SH3GL2: variants seen among roughly 807,000 people sequenced by gnomAD.
The protein encoded by SH3GL2 is SH3 domain containing GRB2 like 2, endophilin A1.
In SH3GL2, 24 loss-of-function variants were observed where a neutral mutation model predicts 46.0. The observed-to-expected ratio is 0.52, with a 90% confidence interval of 0.38 to 0.73. The LOEUF (loss-of-function observed/expected upper bound fraction) is 0.73, where lower values mean the gene tolerates loss of function less well. SH3GL2 is among the 30% of genes least tolerant of loss of function. SH3GL2 has a pLI of 0.00. For missense variants in SH3GL2, 413 were observed against 424.2 expected (o/e 0.97, Z 0.23); for synonymous variants, 196 against 147.1 (o/e 1.33, Z -2.40).
At chr9:17,613,413 T>C (rs1477582304) in intron 1 of SH3GL2, among the ~76,000 whole-genome samples, 1 of 152,158 alleles carries the variant, frequency 6.6e-6, no homozygotes, top group Non-Finnish European at 1.5e-5. Context: ...TGACAAAATA[T>C]TGTGTTTAGA....
intron 1 of SH3GL2, among the ~76,000 whole-genome samples, chr9:17,727,064 G>T (rs10117049): frequency 0.49 from 74,142 of 151,794 alleles, 18,630 homozygotes; most frequent in East Asian, 0.66. Context: ...AACCCAAATA[G>T]GTATCAGTGG....
chr9:17,774,733 G>T (rs1227257828), intron 3 of SH3GL2, among the ~76,000 whole-genome samples: 1 of 152,116 alleles, frequency 6.6e-6, no homozygotes, highest in Non-Finnish European at 1.5e-5. Flanking sequence ...ATGATCGTAA[G>T]AGATATTGGT....
chr9:17,603,165 T>G (rs759911064), intron 1 of SH3GL2, among the ~76,000 whole-genome samples: 1 of 152,220 alleles, frequency 6.6e-6, no homozygotes, highest in African/African-American at 2.4e-5. Flanking sequence ...TATGTTAAAA[T>G]ATGTTTTTGA....
intron 1 of SH3GL2, among the ~76,000 whole-genome samples, chr9:17,658,013 T>A (rs1247535834): frequency 6.6e-6 from 1 of 152,220 alleles, no homozygotes; most frequent in Non-Finnish European, 1.5e-5. Context: ...CATCCAGAAC[T>A]GGATTAACTG....
At chr9:17,701,033 C>T (rs2045909450) in intron 1 of SH3GL2, among the ~76,000 whole-genome samples, 1 of 152,094 alleles carries the variant, frequency 6.6e-6, no homozygotes, top group African/African-American at 2.4e-5. Flanking sequence ...GGGCCTTAAT[C>T]CCAATTGGTA....
At chr9:17,750,920 G>C (rs950592435) in intron 2 of SH3GL2, among the ~76,000 whole-genome samples, 4 of 152,196 alleles carry the variant, frequency 2.6e-5, no homozygotes, top group African/African-American at 9.7e-5. Flanking sequence ...CATAGTGCTT[G>C]GTGTCCTGGG....
chr9:17,761,970 A>T (rs569656343), intron 3 of SH3GL2, among the ~76,000 whole-genome samples: 22 of 152,276 alleles, frequency 1.4e-4, no homozygotes, highest in African/African-American at 5.1e-4. Context: ...GTTGATCTTG[A>T]TTCTGATTCT....
At chr9:17,689,275 C>G (rs922041016) in intron 1 of SH3GL2, among the ~76,000 whole-genome samples, 6 of 152,018 alleles carry the variant, frequency 3.9e-5, no homozygotes, top group African/African-American at 1.4e-4. Flanking sequence ...GTCTGAGAAA[C>G]TGTCAAACCA....
At chr9:17,763,191 T>C (rs1311015418) in intron 3 of SH3GL2, among the ~76,000 whole-genome samples, 1 of 152,212 alleles carries the variant, frequency 6.6e-6, no homozygotes, top group Non-Finnish European at 1.5e-5. Flanking sequence ...AAATTCATTG[T>C]AACACAAATT....
chr9:17,698,895 G>A (rs1821274592), intron 1 of SH3GL2, among the ~76,000 whole-genome samples: 1 of 152,060 alleles, frequency 6.6e-6, no homozygotes, highest in African/African-American at 2.4e-5. Flanking sequence ...GATGGCTCAT[G>A]CCTGTAATCC....
At chr9:17,691,183 A>C (rs1207346884) in intron 1 of SH3GL2, among the ~76,000 whole-genome samples, 1 of 152,074 alleles carries the variant, frequency 6.6e-6, no homozygotes. Flanking sequence ...CCAAGGGGTG[A>C]CTGAGTGTTT....
At chr9:17,738,641 T>TAGAGAG (rs1554645334) in intron 1 of SH3GL2, among the ~76,000 whole-genome samples, 36 of 88,864 alleles carry the variant, frequency 4.1e-4, no homozygotes, top group African/African-American at 1.0e-3. Flanking sequence ...TATATATATA[T>TAGAGAG]AGAGAGAGAG....
chr9:17,616,134 A>G (rs1818990045), intron 1 of SH3GL2, among the ~76,000 whole-genome samples: 1 of 152,172 alleles, frequency 6.6e-6, no homozygotes, highest in Admixed American at 6.5e-5. Context: ...TTTTAGGGAA[A>G]ATATATTTAC....
chr9:17,708,497 T>A (rs1212511913), intron 1 of SH3GL2, among the ~76,000 whole-genome samples: 1 of 152,064 alleles, frequency 6.6e-6, no homozygotes, highest in African/African-American at 2.4e-5. Flanking sequence ...AGTGTGAGGA[T>A]GAAACCATTA....
intron 1 of SH3GL2, among the ~76,000 whole-genome samples, chr9:17,639,861 G>A (rs1316083573): frequency 3.9e-5 from 6 of 152,156 alleles, no homozygotes; most frequent in Non-Finnish European, 8.8e-5. Flanking sequence ...GTTATGCTAA[G>A]TGAAAGATGT....
chr9:17,729,416 C>A (rs1036567671), intron 1 of SH3GL2, among the ~76,000 whole-genome samples: 4 of 152,182 alleles, frequency 2.6e-5, no homozygotes, highest in South Asian at 2.1e-4. Context: ...CGTAGGTTGC[C>A]TGTTCATTCT....
At chr9:17,785,467 C>G (rs928765465) in intron 3 of SH3GL2, among the ~76,000 whole-genome samples, 1 of 152,130 alleles carries the variant, frequency 6.6e-6, no homozygotes, top group African/African-American at 2.4e-5. Flanking sequence ...AAATAAATGT[C>G]AAGATTGTCA....
intron 8 of SH3GL2, among the ~76,000 whole-genome samples, chr9:17,794,349 C>G (rs1563857816): frequency 6.6e-6 from 1 of 152,096 alleles, no homozygotes; most frequent in Non-Finnish European, 1.5e-5. Context: ...CTGTAGAAAA[C>G]TTTTTATAAG....
intron 4 of SH3GL2, among the ~76,000 whole-genome samples, 187 bp downstream of exon 4, chr9:17,786,711 A>G (rs1823967531): frequency 6.6e-6 from 1 of 152,096 alleles, no homozygotes; most frequent in African/African-American, 2.4e-5. Context: ...TTTATCTTAC[A>G]AGTTTTCTTC....
Sources: gnomAD v4.1 joint callset for allele counts (sites outside exome capture counted in the v4.1 genomes callset) on GRCh38, gnomAD v4.1.1 for gene constraint, MANE v1.5 for transcripts, NCBI Gene and HGNC (gene_info 2026-07-23, HGNC 2026-07-21) for gene names.